The following HEATR5B variants were observed in gnomAD, a reference collection of about 807,000 sequenced individuals.
The protein encoded by HEATR5B is HEAT repeat-containing protein 5B.
HEATR5B carries 156 observed loss-of-function variants against 224.1 expected under a neutral mutation model. The ratio of observed to expected loss-of-function variants is 0.70; its 90% confidence interval spans 0.61 to 0.80. The LOEUF (loss-of-function observed/expected upper bound fraction) is 0.80. Ranked by LOEUF, HEATR5B falls within the 30% of genes least tolerant of loss-of-function variation. The probability of loss-of-function intolerance (pLI) is 0.00; values close to 1 mark genes in which losing one functional copy is unlikely to be tolerated. For synonymous variants in HEATR5B, 1,027 were observed against 893.0 expected, an observed-to-expected ratio of 1.15 and a Z score of -2.68; for missense variants, 2,323 against 2,535.5, an observed-to-expected ratio of 0.92 and a Z score of 1.80.
intron 24 of HEATR5B, among the ~76,000 whole-genome samples, chr2:37,025,688 T>G (rs937119311): frequency 1.3e-5 from 2 of 151,772 alleles, no homozygotes; most frequent in Non-Finnish European, 2.9e-5. Context: ...CCTGTGAGGA[T>G]CTCTGAGAAC....
chr2:37,019,244 T>C (rs1558739261), intron 26 of HEATR5B, among the ~76,000 whole-genome samples: 1 of 152,136 alleles, frequency 6.6e-6, no homozygotes, highest in Non-Finnish European at 1.5e-5. Context: ...TCCCTGGGAT[T>C]AATTTTGCAA....
chr2:37,058,580 G>A lies in HEATR5B; in HGVS notation c.1950-20C>T. The A allele has an allele frequency of 6.7e-7, 1 of 1,499,476 alleles. No homozygotes were observed. The highest frequency in any genetic ancestry group is 9.3e-7 in the Non-Finnish European group (1 of 1,076,568). The allele number at this position is 1,499,476 out of a possible 1,614,324, so 92.9% of individuals were successfully genotyped here. ...GGAATGCTAAAATATCAAAAACATA[G>A]TTGGTAATGGCTTACCAGAATAAGT... On this transcript the variant is annotated intron_variant, in intron 13 of 35. Coordinates refer to ENST00000233099, the MANE Select transcript of HEATR5B (RefSeq NM_019024.3).
In HEATR5B at chr2:37,058,540, G is replaced by A; in HGVS notation, c.1970C>T (p.Ala657Val). The change falls in exon 14 of 36, where the codon GCC becomes GTC. Residue 657 changes from alanine (A) to valine (V), a missense_variant. By Grantham distance (64) the Ala-to-Val change is moderately conservative. This residue lies in a region of HEATR5B where 502 missense variants were observed against 517.8 expected (regional missense o/e 0.97). Transcript: ENST00000233099. ...MMSHIPSVMK[A>V]HGAHLKASAA... Reference sequence around the variant, plus strand: ...ACTAGCTTTCAGATGAGCTCCATGGGCTTTCATTACAGATGGAATGCTAAA... The same window carrying A: ...ACTAGCTTTCAGATGAGCTCCATGGACTTTCATTACAGATGGAATGCTAAA... 1 of 1,609,780 alleles carries A rather than the reference G, an allele frequency of 6.2e-7. No homozygotes were observed. Among genetic ancestry groups the A allele is most frequent in the Non-Finnish European group, 8.5e-7 (1 of 1,176,118 alleles).
At chr2:37,049,507 A>G (rs1670403343) in intron 18 of HEATR5B, 146 bp downstream of exon 18, 1 of 684,576 alleles carries the variant, frequency 1.5e-6, no homozygotes, top group African/African-American at 1.8e-5. Context: ...ATCAACTGCT[A>G]AATTAAAAAT....
chr2:37,015,338 G>A (rs1668047273), intron 26 of HEATR5B, among the ~76,000 whole-genome samples: 1 of 152,176 alleles, frequency 6.6e-6, no homozygotes, highest in South Asian at 2.1e-4. Context: ...TTGTGCTTTA[G>A]GAAAACTGTT....
chr2:37,064,705 T>A, intron 10 of HEATR5B, 35 bp downstream of exon 10: 1 of 1,608,922 alleles, frequency 6.2e-7, no homozygotes, highest in Non-Finnish European at 8.5e-7. Flanking sequence ...AAAGCCCACG[T>A]GACAGCATTC....
At position 37,007,188 on chromosome 2, in the gene HEATR5B, A is replaced by C. The variant is rs1667476279; in HGVS notation, c.4639T>G (p.Ser1547Ala). 2 of 1,614,056 alleles carry C rather than the reference A, an allele frequency of 1.2e-6. No individual in the cohort carries two copies. Among genetic ancestry groups the C allele is most frequent in the African/African-American group, 1.3e-5 (1 of 74,928 alleles). The stretch of plus-strand genomic sequence containing the variant: ...ATTGCTGCTGCTTCTGTAGACTCTG[A>C]GCACGTAAATCCTGTGCTATTTAAC... Reference protein sequence around the residue: ...LWLNSTGFTCSESTEAAAISG... With the variant: ...LWLNSTGFTCAESTEAAAISG... Residue 1547 changes from serine (S) to alanine (A), a missense_variant, in exon 29 of 36, where the codon TCA becomes GCA. Around this residue, in one of 12 missense-constraint regions of HEATR5B, gnomAD observed 844 missense variants for 812.9 expected, o/e 1.04. Coordinates refer to ENST00000233099, the MANE Select transcript of HEATR5B (RefSeq NM_019024.3).
At chr2:37,080,132 A>G (rs1427486005) in intron 2 of HEATR5B, among the ~76,000 whole-genome samples, 1 of 152,224 alleles carries the variant, frequency 6.6e-6, no homozygotes, top group Non-Finnish European at 1.5e-5. Context: ...AGACACCAAG[A>G]AGGCCAGTTT....
intron 18 of HEATR5B, among the ~76,000 whole-genome samples, chr2:37,048,304 C>A (rs1374103970): frequency 3.3e-5 from 5 of 151,798 alleles, no homozygotes; most frequent in Non-Finnish European, 7.4e-5. Context: ...CCCATCTCAG[C>A]CTCCCAAGTA....
chr2:37,038,119 T>C (rs1390636725), intron 20 of HEATR5B, 95 bp from the exon 21 acceptor site: 1 of 839,368 alleles, frequency 1.2e-6, no homozygotes, highest in Non-Finnish European at 1.7e-6. Context: ...ATAACCATTC[T>C]ATCCAATTAT....
intron 22 of HEATR5B, 135 bp from the exon 23 acceptor site, chr2:37,029,055 A>T: frequency 1.3e-6 from 1 of 751,270 alleles, no homozygotes; most frequent in Non-Finnish European, 2.1e-6. Flanking sequence ...CAATTTAACT[A>T]TGGCCTCTAG....
chr2:37,070,900 T>C (rs975209612), intron 6 of HEATR5B, among the ~76,000 whole-genome samples: 1 of 152,230 alleles, frequency 6.6e-6, no homozygotes, highest in Non-Finnish European at 1.5e-5. Context: ...AGAGGAGGTA[T>C]AAAGCTCATG....
chr2:37,027,452 T>G (rs1439386717), intron 24 of HEATR5B, among the ~76,000 whole-genome samples: 3 of 152,136 alleles, frequency 2.0e-5, no homozygotes, highest in Non-Finnish European at 2.9e-5. Context: ...AATAAACAAT[T>G]TTCACCTTTT....
intron 24 of HEATR5B, among the ~76,000 whole-genome samples, chr2:37,026,022 A>G (rs902558175): frequency 1.3e-5 from 2 of 152,198 alleles, no homozygotes; most frequent in African/African-American, 4.8e-5. Context: ...TGCAGATGTG[A>G]TTAAGGTTAT....
intron 5 of HEATR5B, among the ~76,000 whole-genome samples, chr2:37,072,664 T>G (rs1037775066): frequency 6.6e-6 from 1 of 151,806 alleles, no homozygotes; most frequent in Non-Finnish European, 1.5e-5. Context: ...AATTCATGAC[T>G]AGGAAACTAA....
chr2:37,042,786 G>A (rs536901702), intron 18 of HEATR5B, among the ~76,000 whole-genome samples: 40 of 151,898 alleles, frequency 2.6e-4, no homozygotes, highest in East Asian at 5.8e-4. Context: ...CAGCTACTCC[G>A]GAGGCTGAGG....
Position 37,049,863 on chromosome 2 carries a change from A to G in HEATR5B, c.2506-20T>C, listed in dbSNP as rs955481970. 13 of 1,483,862 alleles carry G rather than the reference A, an allele frequency of 8.8e-6. No individual in the cohort carries two copies. The highest frequency in any genetic ancestry group is 1.8e-4 in the Middle Eastern group (1 of 5,468). The allele number at this position is 1,483,862 out of a possible 1,614,324, so 91.9% of individuals were successfully genotyped here. On this transcript the variant is annotated intron_variant, in intron 17 of 35. Transcript: ENST00000233099. The stretch of plus-strand genomic sequence containing the variant: ...TAAGCCCTACATTAAAAAAAAAAAA[A>G]AAAAAAAGACAGCAATTCATAATTC...
At chr2:37,005,354 T>C (rs529585338) in intron 30 of HEATR5B, among the ~76,000 whole-genome samples, 8 of 152,304 alleles carry the variant, frequency 5.3e-5, no homozygotes, top group Non-Finnish European at 8.8e-5. Context: ...TCTATTCTAA[T>C]TGCAGCTTTA....
rs563228527 is a variant in HEATR5B, at chr2:36,981,792, C to T, written c.5914G>A (p.Val1972Ile). The part of the protein sequence containing the change: ...LVALGEEQNR[V>I]QLLALLVPTL... ...GGAACTAAAAGAGCAAGTAGCTGGA[C>T]TCCTGTAAATAATAAAGTATGAAAA... is the stretch of plus-strand genomic sequence containing the variant. Residue 1972 changes from valine to isoleucine, a missense_variant and splice_region_variant, in exon 36 of 36, where the codon GTC (valine) becomes ATC (isoleucine). By Grantham distance (29) the Val-to-Ile change is conservative. Around this residue, in one of 12 missense-constraint regions of HEATR5B, gnomAD observed 844 missense variants for 812.9 expected, o/e 1.04. Transcript: ENST00000233099. 8.1e-6 allele frequency: 13 copies of T among 1,600,662 alleles called. No homozygotes were observed. The highest frequency in any genetic ancestry group is 1.3e-5 in the African/African-American group (1 of 74,302).
Sources: gnomAD v4.1 joint callset for allele counts (sites outside exome capture counted in the v4.1 genomes callset) on GRCh38, gnomAD v4.1.1 for gene constraint, gnomAD v4.1.1 regional missense constraint, MANE v1.5 for transcripts, NCBI Gene and HGNC (gene_info 2026-07-23, HGNC 2026-07-21) for gene names.